The following NAMPT variants were observed in gnomAD, a reference collection of about 807,000 sequenced individuals.
NAMPT encodes the protein nicotinamide phosphoribosyltransferase, also known as NAmPRTase.
Under a neutral mutation model 58.7 loss-of-function variants are expected in NAMPT, and 7 were observed. That is an observed-to-expected ratio of 0.12 (90% CI 0.07 to 0.22). The LOEUF (loss-of-function observed/expected upper bound fraction) is 0.22, where lower values mean the gene tolerates loss of function less well. NAMPT is among the 10% of genes least tolerant of loss of function. NAMPT has a pLI of 1.00. For missense variants in NAMPT, 271 were observed against 567.9 expected (o/e 0.48, Z 5.31); for synonymous variants, 145 against 198.1 (o/e 0.73, Z 2.25).
chr7:106,284,748 CAGCCGCCCCCG>C, intron 1 of NAMPT, 69 bp downstream of exon 1: 1 of 1,206,148 alleles, frequency 8.3e-7, no homozygotes. Flanking sequence ...ACCCCAGCCC[CAGCCGCCCCCG>C]CCCCCCTGCC....
chr7:106,279,650 C>A (rs1198810744), intron 1 of NAMPT, among the ~76,000 whole-genome samples: 1 of 152,164 alleles, frequency 6.6e-6, no homozygotes, highest in Non-Finnish European at 1.5e-5. Context: ...ATAAATACTT[C>A]ATTCACAAAT....
At chr7:106,268,303 G>C in intron 6 of NAMPT, 161 bp downstream of exon 6, 1 of 627,198 alleles carries the variant, frequency 1.6e-6, no homozygotes, top group South Asian at 2.5e-5. Context: ...GCCTCTCTAA[G>C]ACTAATGTTT....
Position 106,277,690 on chromosome 7 carries a change from G to A in NAMPT, c.58-511C>T, listed in dbSNP as rs185197823. Reference sequence around the variant, plus strand: ...TGAAAACCTGGATGACAGCAACGGCGGTGGCAGCAAAGTAAAGCAGCAAAG... The same window carrying A: ...TGAAAACCTGGATGACAGCAACGGCAGTGGCAGCAAAGTAAAGCAGCAAAG... On this transcript the variant is annotated intron_variant, in intron 1 of 10. Coordinates refer to ENST00000222553, the MANE Select transcript of NAMPT (RefSeq NM_005746.3). Among the ~76,000 whole-genome samples the A allele has an allele frequency of 3.2e-3, 492 of 152,206 alleles. 2 individuals carry two copies. Among genetic ancestry groups the A allele is most frequent in the African/African-American group, 9.6e-3 (399 of 41,522 alleles).
chr7:106,257,285 TATTCATGTACAGTTTTGGGCTG>T (rs1447355653), intron 8 of NAMPT, among the ~76,000 whole-genome samples: 1 of 152,004 alleles, frequency 6.6e-6, no homozygotes, highest in Non-Finnish European at 1.5e-5. Context: ...TTATGTAGTT[TATTCATGTACAGTTTTGGGCTG>T]ATTCTCAACT....
At chr7:106,269,548 C>T (rs1293633945) in intron 4 of NAMPT, among the ~76,000 whole-genome samples, 2 of 152,132 alleles carry the variant, frequency 1.3e-5, no homozygotes, top group African/African-American at 4.8e-5. Context: ...CAGAGAACTT[C>T]ACATTATCAA....
At chr7:106,285,753 C>T (rs1193925191), upstream of NAMPT, 2 of 198,904 alleles carry the variant, frequency 1.0e-5, no homozygotes, top group Non-Finnish European at 1.8e-5. Context: ...TTGACTTTTC[C>T]CGAGCAAAGA....
intron 8 of NAMPT, among the ~76,000 whole-genome samples, chr7:106,260,950 A>G (rs1792291636): frequency 6.6e-6 from 1 of 152,216 alleles, no homozygotes; most frequent in Non-Finnish European, 1.5e-5. Context: ...ATAATGACAA[A>G]GTCTGAAATA....
At position 106,277,013 on chromosome 7, in the gene NAMPT, A is replaced by C; in HGVS notation, c.214+10T>G. ...AAGCAGTGTTTAAAATATACTAGGA[A>C]AAGTAATACCTTTTAAGTACTTATT... On this transcript the variant is annotated intron_variant, in intron 2 of 10. Coordinates refer to ENST00000222553, the MANE Select transcript of NAMPT (RefSeq NM_005746.3). 1 of 1,563,494 alleles carries C rather than the reference A, an allele frequency of 6.4e-7. No individual in the cohort carries two copies.
At chr7:106,269,720 A>G (rs1213739303) in intron 4 of NAMPT, among the ~76,000 whole-genome samples, 1 of 152,194 alleles carries the variant, frequency 6.6e-6, no homozygotes, top group African/African-American at 2.4e-5. Context: ...AAGTTTCTAA[A>G]TGCTTACTCT....
In NAMPT at chr7:106,269,734, T is replaced by C. The variant is rs1485535682; in HGVS notation, c.448-422A>G. On this transcript the variant is annotated intron_variant, in intron 4 of 10. Transcript: ENST00000222553. The stretch of plus-strand genomic sequence containing the variant: ...CAAGTTTCTAAATGCTTACTCTTCA[T>C]TTCTGTACTTAATGTGGACTTGGAT... 2.0e-5 allele frequency among the ~76,000 whole-genome samples: 3 copies of C among 152,286 alleles called. No individual in the cohort carries two copies. The East Asian group carries it at 5.8e-4, about 29-fold the overall frequency.
At chr7:106,267,876 A>AAAAAAAAACAAAAAAAAAC (rs1189395299) in intron 6 of NAMPT, among the ~76,000 whole-genome samples, 10 of 130,454 alleles carry the variant, frequency 7.7e-5, no homozygotes, top group Non-Finnish European at 1.3e-4. Context: ...AAAAAAAAAA[A>AAAAAAAAACAAAAAAAAAC]CAACCTGATT....
chr7:106,268,906 T>A (rs1188550239), intron 5 of NAMPT, among the ~76,000 whole-genome samples: 1 of 152,206 alleles, frequency 6.6e-6, no homozygotes, highest in Admixed American at 6.5e-5. Context: ...ATTTCACATC[T>A]GATATATTAT....
At chr7:106,284,993 G>A (rs1052336332), upstream of NAMPT, 4 of 1,472,852 alleles carry the variant, frequency 2.7e-6, no homozygotes, top group Admixed American at 6.2e-5. Context: ...TGCTCGGTCG[G>A]CGGAGGAGGG....
chr7:106,279,802 T>C (rs1292161326), intron 1 of NAMPT, among the ~76,000 whole-genome samples: 1 of 151,836 alleles, frequency 6.6e-6, no homozygotes, highest in Non-Finnish European at 1.5e-5. Context: ...GCTATGAAAA[T>C]GTAAGAGAAT....
chr7:106,276,875 A>C (rs1465833675), intron 2 of NAMPT, 148 bp downstream of exon 2: 1 of 666,534 alleles, frequency 1.5e-6, no homozygotes. Flanking sequence ...ATTTCAGAAA[A>C]CTTTTCTCAT....
At position 106,272,663 on chromosome 7, in the gene NAMPT, C is replaced by A; in HGVS notation, c.319-5G>T. 2 of 1,612,192 alleles carry A rather than the reference C, an allele frequency of 1.2e-6. No homozygotes were observed. Among genetic ancestry groups the A allele is most frequent in the Non-Finnish European group, 1.7e-6 (2 of 1,178,862 alleles). ...TGGAAGATGCCCATCATACTTCTGG[C>A]AGGATAAAATGATAAATTTATTTAT... On this transcript the variant is annotated splice_polypyrimidine_tract_variant and splice_region_variant and intron_variant, in intron 3 of 10. Coordinates refer to ENST00000222553, the MANE Select transcript of NAMPT (RefSeq NM_005746.3).
chr7:106,260,130 T>C (rs375274464), intron 8 of NAMPT, among the ~76,000 whole-genome samples: 1 of 152,358 alleles, frequency 6.6e-6, no homozygotes, highest in African/African-American at 2.4e-5. Flanking sequence ...AAAGCAGATG[T>C]TGTCTTCTCT....
At chr7:106,285,159 C>G, upstream of NAMPT, 1 of 1,250,904 alleles carries the variant, frequency 8.0e-7, no homozygotes. Flanking sequence ...CCCCGTCACC[C>G]TCCGGGGGCC....
At chr7:106,257,925 G>C (rs540888594) in intron 8 of NAMPT, among the ~76,000 whole-genome samples, 1 of 152,296 alleles carries the variant, frequency 6.6e-6, no homozygotes, top group East Asian at 1.9e-4. Flanking sequence ...ATACACGTAA[G>C]TGCTAAAGTG....
Sources: allele counts gnomAD v4.1 joint callset (sites outside exome capture counted in the v4.1 genomes callset), GRCh38; gene constraint gnomAD v4.1.1; transcripts MANE v1.5; gene names NCBI Gene and HGNC (gene_info 2026-07-23, HGNC 2026-07-21).